Variants in HMGA2 observed in about 807,000 individuals in gnomAD.
HMGA2 encodes the protein high mobility group protein HMGI-C.
In HMGA2, 8 loss-of-function variants were observed where a neutral mutation model predicts 19.1. That is an observed-to-expected ratio of 0.42 (90% CI 0.25 to 0.76). The LOEUF is 0.76. HMGA2 is among the 30% of genes least tolerant of loss of function. The pLI, the probability that HMGA2 is intolerant of heterozygous loss-of-function variation, is 0.28. For missense variants in HMGA2, 109 were observed against 136.3 expected, an observed-to-expected ratio of 0.80 and a Z score of 1.00; for synonymous variants, 60 against 48.8, an observed-to-expected ratio of 1.23 and a Z score of -0.96.
chr12:65,828,947 T>C (rs532164413), intron 2 of HMGA2: 1 of 152,318 alleles, frequency 6.6e-6, no homozygotes, highest in South Asian at 2.1e-4. Context: ...GTCACTTTTT[T>C]GACTTTATAA....
intron 3 of HMGA2, among the ~76,000 whole-genome samples, chr12:65,884,911 C>T (rs1873590808): frequency 1.3e-5 from 2 of 152,108 alleles, no homozygotes; most frequent in Admixed American, 1.3e-4. Flanking sequence ...TCAAATTGCG[C>T]CTGGCACATA....
intron 3 of HMGA2, among the ~76,000 whole-genome samples, chr12:65,895,157 C>T (rs1228716097): frequency 6.6e-6 from 1 of 152,082 alleles, no homozygotes; most frequent in African/African-American, 2.4e-5. Context: ...AGATTTCAGC[C>T]TAGGAGAAAG....
intron 3 of HMGA2, among the ~76,000 whole-genome samples, chr12:65,879,796 A>T (rs550017877): frequency 1.3e-5 from 2 of 152,246 alleles, no homozygotes; most frequent in Admixed American, 1.3e-4. Flanking sequence ...GTGTTTATAC[A>T]TATATTCTAT....
At chr12:65,895,352 A>C (rs1042941086) in intron 3 of HMGA2, among the ~76,000 whole-genome samples, 9 of 152,196 alleles carry the variant, frequency 5.9e-5, no homozygotes, top group African/African-American at 2.2e-4. Flanking sequence ...GGAAAAAAAA[A>C]ACCTTTTGAG....
chr12:65,942,419 G>A (rs1876119660), intron 3 of HMGA2, among the ~76,000 whole-genome samples: 1 of 152,116 alleles, frequency 6.6e-6, no homozygotes, highest in African/African-American at 2.4e-5. Flanking sequence ...ATATATGTGT[G>A]TGTGTGTATA....
intron 2 of HMGA2, chr12:65,828,660 G>T (rs1369911252): frequency 1.2e-5 from 2 of 161,918 alleles, no homozygotes; most frequent in African/African-American, 4.8e-5. Flanking sequence ...TATACTGTTT[G>T]TTTTACAATA....
chr12:65,936,114 T>C (rs941355211), intron 3 of HMGA2, among the ~76,000 whole-genome samples: 4 of 152,218 alleles, frequency 2.6e-5, no homozygotes, highest in African/African-American at 9.6e-5. Flanking sequence ...GCCACTATTA[T>C]TAAGCTGTTT....
At chr12:65,918,788 C>T (rs889669822) in intron 3 of HMGA2, among the ~76,000 whole-genome samples, 1 of 152,110 alleles carries the variant, frequency 6.6e-6, no homozygotes, top group African/African-American at 2.4e-5. Flanking sequence ...ATAAGGGCAA[C>T]AGAGAAATAG....
chr12:65,831,200 T>C (rs1870460573), intron 2 of HMGA2: 2 of 151,882 alleles, frequency 1.3e-5, no homozygotes, highest in African/African-American at 4.8e-5. Flanking sequence ...GCTTTCCTGG[T>C]TGTGGTGGAT....
chr12:65,848,719 G>A (rs1309983622), intron 3 of HMGA2, among the ~76,000 whole-genome samples: 1 of 152,098 alleles, frequency 6.6e-6, no homozygotes, highest in Non-Finnish European at 1.5e-5. Flanking sequence ...AGCCGGGCGC[G>A]GTGGCGGGCG....
intron 3 of HMGA2, among the ~76,000 whole-genome samples, chr12:65,871,911 A>G (rs1872728640): frequency 6.6e-6 from 1 of 152,198 alleles, no homozygotes; most frequent in African/African-American, 2.4e-5. Context: ...GCAGAAAATA[A>G]CCAATTGCCT....
At chr12:65,950,939 T>G (rs1876436136) in intron 3 of HMGA2, among the ~76,000 whole-genome samples, 1 of 151,836 alleles carries the variant, frequency 6.6e-6, no homozygotes, top group Admixed American at 6.6e-5. Flanking sequence ...GACATTTTTG[T>G]TTTTTTTGAG....
chr12:65,881,780 C>G (rs1410703118), intron 3 of HMGA2: 8 of 702,942 alleles, frequency 1.1e-5, no homozygotes, highest in Non-Finnish European at 2.1e-5. Context: ...TGAAGGAAGC[C>G]TGCTGATCCC....
chr12:65,899,565 T>C (rs1874288713), intron 3 of HMGA2, among the ~76,000 whole-genome samples: 1 of 152,138 alleles, frequency 6.6e-6, no homozygotes, highest in Non-Finnish European at 1.5e-5. Context: ...ATGAGAGGAA[T>C]TTTGGCCTGG....
rs1287705807 is a variant in HMGA2 at position 65,966,205 on chromosome 12, T to C, written c.*2913T>C. ...CACTGTCTGTTCTGCACAATAAACA[T>C]AACAGCCTCTGTGATCCCCATGTGT... On this transcript the variant is annotated 3_prime_UTR_variant, in exon 5 of 5. Transcript: ENST00000403681. The C allele has an allele frequency of 2.0e-5, 4 of 195,502 alleles. No homozygotes were observed. The highest frequency in any genetic ancestry group is 4.3e-5 in the Non-Finnish European group (4 of 93,702). The allele number at this position is 195,502 out of a possible 1,614,324, so 12.1% of individuals were successfully genotyped here.
At chr12:65,915,752 T>C (rs549643419) in intron 3 of HMGA2, among the ~76,000 whole-genome samples, 18 of 152,338 alleles carry the variant, frequency 1.2e-4, no homozygotes, top group African/African-American at 4.3e-4. Flanking sequence ...GAGTTACTCT[T>C]TGGGTTTAAA....
chr12:65,866,958 G>A (rs768902815), intron 3 of HMGA2: 1 of 456,656 alleles, frequency 2.2e-6, no homozygotes, highest in Non-Finnish European at 4.4e-6. Context: ...CTTGACACTG[G>A]TAGAGAGAGA....
At chr12:65,849,884 A>C (rs1042307458) in intron 3 of HMGA2, among the ~76,000 whole-genome samples, 3 of 151,580 alleles carry the variant, frequency 2.0e-5, no homozygotes, top group Non-Finnish European at 4.4e-5. Context: ...ACGCCTGGCT[A>C]ATTTTTGTAT....
At chr12:65,926,834 G>C (rs1477158430) in intron 3 of HMGA2, among the ~76,000 whole-genome samples, 1 of 152,158 alleles carries the variant, frequency 6.6e-6, no homozygotes, top group African/African-American at 2.4e-5. Context: ...AGCTCTGAGA[G>C]AGGTTTGGGT....
Sources: allele counts gnomAD v4.1 joint callset (sites outside exome capture counted in the v4.1 genomes callset), GRCh38; gene constraint gnomAD v4.1.1; transcripts MANE v1.5; gene names NCBI Gene and HGNC (gene_info 2026-07-23, HGNC 2026-07-21).